Variants in SPAG16 observed in about 807,000 individuals in gnomAD.
The protein encoded by SPAG16 is sperm-associated antigen 16 protein.
In SPAG16, 86 loss-of-function variants were observed where a neutral mutation model predicts 80.4. The ratio of observed to expected loss-of-function variants is 1.07; its 90% CI spans 0.90 to 1.28. The LOEUF is 1.28. SPAG16 is among the 50% of genes most tolerant of loss of function. The pLI, the probability that SPAG16 is intolerant of heterozygous loss-of-function variation, is 0.00. For synonymous variants in SPAG16, 294 were observed against 265.9 expected (o/e 1.11, Z -1.03); for missense variants, 870 against 765.3 (o/e 1.14, Z -1.61).
intron 15 of SPAG16, among the ~76,000 whole-genome samples, chr2:214,308,740 T>G (rs934403513): frequency 6.6e-6 from 1 of 152,188 alleles, no homozygotes; most frequent in African/African-American, 2.4e-5. Flanking sequence ...CTTGTAGAGT[T>G]TCAGCTGAGA....
intron 10 of SPAG16, among the ~76,000 whole-genome samples, chr2:213,740,776 T>C (rs1294842419): frequency 1.3e-5 from 2 of 152,092 alleles, no homozygotes; most frequent in South Asian, 4.1e-4. Flanking sequence ...GAGTGTGGGG[T>C]AAAGATGGGG....
intron 10 of SPAG16, among the ~76,000 whole-genome samples, chr2:213,647,979 T>C (rs1011796644): frequency 5.9e-5 from 9 of 152,150 alleles, no homozygotes; most frequent in Non-Finnish European, 1.0e-4. Context: ...ATGTTTAAAA[T>C]TTGCTATTTT....
chr2:213,617,248 C>T (rs2061628149), intron 10 of SPAG16, among the ~76,000 whole-genome samples: 1 of 152,136 alleles, frequency 6.6e-6, no homozygotes, highest in African/African-American at 2.4e-5. Context: ...GCCCTTCACT[C>T]ATAAAAACAA....
chr2:213,707,048 T>C (rs947207271), intron 10 of SPAG16, among the ~76,000 whole-genome samples: 1 of 152,222 alleles, frequency 6.6e-6, no homozygotes, highest in African/African-American at 2.4e-5. Context: ...ACTTATTTCA[T>C]CACTTCTGTC....
chr2:213,609,788 C>T (rs577930815), intron 10 of SPAG16, among the ~76,000 whole-genome samples: 1 of 152,238 alleles, frequency 6.6e-6, no homozygotes, highest in Admixed American at 6.5e-5. Context: ...GAGTTTTGAT[C>T]TTTAATTCAG....
At chr2:214,227,702 A>ATGTGTGTGTT (rs1553534025) in intron 15 of SPAG16, among the ~76,000 whole-genome samples, 1 of 145,660 alleles carries the variant, frequency 6.9e-6, no homozygotes, top group Non-Finnish European at 1.5e-5. Flanking sequence ...TGGAAGGTGT[A>ATGTGTGTGTT]TGTGTGTGTG....
At chr2:213,938,395 T>C (rs888128932) in intron 12 of SPAG16, among the ~76,000 whole-genome samples, 1 of 152,068 alleles carries the variant, frequency 6.6e-6, no homozygotes, top group African/African-American at 2.4e-5. Context: ...TGTATGTGTG[T>C]GTGTGTATTC....
At chr2:214,361,427 T>C (rs370953712) in intron 15 of SPAG16, among the ~76,000 whole-genome samples, 17 of 151,954 alleles carry the variant, frequency 1.1e-4, no homozygotes, top group African/African-American at 3.6e-4. Context: ...TGTTTTGGCC[T>C]TTGTTTCTAA....
chr2:213,410,676 C>G lies in SPAG16; in HGVS notation c.942+35557C>G, dbSNP rs140685150. Among the ~76,000 whole-genome samples, 170 of 152,300 alleles carry G rather than the reference C, an allele frequency of 1.1e-3. 2 individuals carry two copies. The highest frequency in any genetic ancestry group is 3.7e-3 in the African/African-American group (152 of 41,568). On this transcript the variant is annotated intron_variant, in intron 9 of 15. Coordinates refer to ENST00000331683, the MANE Select transcript of SPAG16 (RefSeq NM_024532.5). ...AGACAGGATACCAAGATGCAAATGC[C>G]TAGTTGGAATGGATCAAATATTCCG...
intron 5 of SPAG16, among the ~76,000 whole-genome samples, chr2:213,337,668 G>A (rs13394093): frequency 6.6e-6 from 1 of 151,606 alleles, no homozygotes; most frequent in Admixed American, 6.6e-5. Flanking sequence ...CAGACAAGAG[G>A]AGAGAAAAAA....
chr2:213,597,855 G>T (rs905713155), intron 10 of SPAG16, among the ~76,000 whole-genome samples: 1 of 152,204 alleles, frequency 6.6e-6, no homozygotes, highest in Non-Finnish European at 1.5e-5. Context: ...TTATGGGGGA[G>T]ATTTGCATCT....
chr2:214,145,833 T>A (rs971829013), intron 14 of SPAG16, among the ~76,000 whole-genome samples: 2 of 152,218 alleles, frequency 1.3e-5, no homozygotes, highest in African/African-American at 4.8e-5. Flanking sequence ...TTGATTACTC[T>A]TCATTCCCTT....
At chr2:214,163,750 G>T (rs72939951) in intron 15 of SPAG16, among the ~76,000 whole-genome samples, 8,586 of 151,868 alleles carry the variant, frequency 0.057, 359 homozygotes, top group South Asian at 0.2. Flanking sequence ...CAGTCTAGAG[G>T]CTCAGAAAAA....
chr2:213,897,911 C>T (rs569471220), intron 11 of SPAG16, among the ~76,000 whole-genome samples: 8 of 152,270 alleles, frequency 5.3e-5, no homozygotes, highest in African/African-American at 1.9e-4. Flanking sequence ...GATTTCCTAT[C>T]TTTGGGTTAC....
intron 15 of SPAG16, among the ~76,000 whole-genome samples, chr2:214,381,037 T>C (rs1700418819): frequency 6.6e-6 from 1 of 152,214 alleles, no homozygotes; most frequent in African/African-American, 2.4e-5. Flanking sequence ...CCCTTTTTCC[T>C]CTTTGCAAGG....
intron 11 of SPAG16, among the ~76,000 whole-genome samples, chr2:213,885,102 C>T (rs188247310): frequency 8.8e-4 from 134 of 152,178 alleles, no homozygotes; most frequent in African/African-American, 2.8e-3. Context: ...ATTTTTGTAC[C>T]CTTAACTGTA....
At chr2:213,491,396 C>A (rs1358252857) in intron 10 of SPAG16, among the ~76,000 whole-genome samples, 2 of 152,134 alleles carry the variant, frequency 1.3e-5, no homozygotes, top group Non-Finnish European at 2.9e-5. Context: ...GATGATCTCC[C>A]CACCTTTTTG....
chr2:213,816,517 A>T (rs990428060), intron 10 of SPAG16, among the ~76,000 whole-genome samples: 2 of 152,024 alleles, frequency 1.3e-5, no homozygotes, highest in Non-Finnish European at 2.9e-5. Flanking sequence ...TATTTTTCTA[A>T]ATATGTCATT....
chr2:214,149,020 C>A, intron 14 of SPAG16, 120 bp from the exon 15 acceptor site: 1 of 300,508 alleles, frequency 3.3e-6, no homozygotes, highest in Non-Finnish European at 5.3e-6. Context: ...CTATAGGTTA[C>A]TATATGTATT....
Sources: allele counts gnomAD v4.1 joint callset (sites outside exome capture counted in the v4.1 genomes callset), GRCh38; gene constraint gnomAD v4.1.1; transcripts MANE v1.5; gene names NCBI Gene and HGNC (gene_info 2026-07-23, HGNC 2026-07-21).